Variants in MYO7A observed in about 807,000 individuals in gnomAD.
MYO7A encodes myosin VIIA.
MYO7A carries 210 observed loss-of-function variants against 263.8 expected under a neutral mutation model. That is an observed-to-expected ratio of 0.80 (90% confidence interval 0.71 to 0.89). MYO7A has a LOEUF of 0.89. Among genes scored for constraint, MYO7A ranks in the 40% least tolerant of loss-of-function variants. The pLI, the probability that MYO7A is intolerant of heterozygous loss-of-function variation, is 0.00. For missense variants in MYO7A, 2,820 were observed against 2,968.3 expected, an observed-to-expected ratio of 0.95 and a Z score of 1.16; for synonymous variants, 1,239 against 1,197.3, an observed-to-expected ratio of 1.03 and a Z score of -0.72.
chr11:77,201,744 A>T (rs1957077804), intron 36 of MYO7A, 106 bp downstream of exon 36: 2 of 1,220,364 alleles, frequency 1.6e-6, no homozygotes, highest in African/African-American at 3.0e-5. Flanking sequence ...ATCTGTGAAG[A>T]TGATCTTGGG....
Position 77,205,996 on chromosome 11 carries a change from G to A in MYO7A, c.5637-101G>A, listed in dbSNP as rs1591486032. On this transcript the variant is annotated intron_variant, in intron 40 of 48. Coordinates refer to ENST00000409709, the MANE Select transcript of MYO7A (RefSeq NM_000260.4). ...GCCGGTCACATCATAGGAAGTGGCA[G>A]GCGGGGATCAGAACTGGGGTTGTCT... 1.5e-5 allele frequency: 13 copies of A among 894,512 alleles called. No homozygotes were observed. The South Asian group carries it at 1.5e-4, about 10-fold the overall frequency. 55.4% of individuals were successfully genotyped at this position (894,512 alleles called of 1,614,324 possible).
intron 32 of MYO7A, among the ~76,000 whole-genome samples, chr11:77,195,216 G>A (rs541297790): frequency 5.3e-5 from 8 of 152,146 alleles, no homozygotes; most frequent in East Asian, 3.9e-4. Context: ...CCACCTGACC[G>A]TGTGCCTTCT....
At chr11:77,142,905 G>A (rs1336909370) in intron 3 of MYO7A, 83 bp downstream of exon 3, 21 of 1,159,966 alleles carry the variant, frequency 1.8e-5, no homozygotes, top group African/African-American at 3.1e-5. Context: ...GGAGATGATC[G>A]AAAGGAGATG....
chr11:77,147,702 G>A, intron 3 of MYO7A, 96 bp from the exon 4 acceptor site: 1 of 1,513,188 alleles, frequency 6.6e-7, no homozygotes, highest in Non-Finnish European at 8.9e-7. Context: ...TACCCGGGTT[G>A]GCACTCACCC....
chr11:77,170,830 GA>G (rs781955417), intron 15 of MYO7A, among the ~76,000 whole-genome samples: 10 of 152,314 alleles, frequency 6.6e-5, no homozygotes, highest in Middle Eastern at 3.4e-3. Context: ...AGGAAGTGGT[GA>G]GGGGTCAGGT....
intron 15 of MYO7A, among the ~76,000 whole-genome samples, chr11:77,167,423 T>G (rs1384304658): frequency 6.6e-6 from 1 of 152,168 alleles, no homozygotes; most frequent in Non-Finnish European, 1.5e-5. Flanking sequence ...TTCTGCATTT[T>G]GCAGATGAGA....
chr11:77,140,555 C>T (rs1348815645), intron 2 of MYO7A, among the ~76,000 whole-genome samples: 8 of 152,048 alleles, frequency 5.3e-5, no homozygotes, highest in Admixed American at 4.6e-4. Context: ...CACCGAGGCC[C>T]GCTCTGGGCT....
At chr11:77,145,058 T>C (rs551975462) in intron 3 of MYO7A, among the ~76,000 whole-genome samples, 1 of 152,262 alleles carries the variant, frequency 6.6e-6, no homozygotes, top group East Asian at 1.9e-4. Flanking sequence ...CTGGCCTCTG[T>C]TGGGACTCCT....
At chr11:77,213,603 G>C (rs548276474) in intron 47 of MYO7A, among the ~76,000 whole-genome samples, 3 of 152,080 alleles carry the variant, frequency 2.0e-5, no homozygotes, top group Non-Finnish European at 4.4e-5. Context: ...TTCAGGCCAC[G>C]GTGTCAGTTC....
At chr11:77,203,367 C>A in intron 38 of MYO7A, 150 bp downstream of exon 38, 1 of 917,480 alleles carries the variant, frequency 1.1e-6, no homozygotes, top group Non-Finnish European at 1.6e-6. Context: ...TTTTGATATG[C>A]AAGGGGCTGC....
intron 3 of MYO7A, among the ~76,000 whole-genome samples, chr11:77,144,997 G>A (rs1951464530): frequency 1.3e-5 from 2 of 152,164 alleles, no homozygotes. Context: ...CTACTGCCCT[G>A]GTTACACTTT....
At chr11:77,183,196 G>T (rs782354557) in intron 26 of MYO7A, 39 bp downstream of exon 26, 140 of 1,527,364 alleles carry the variant, frequency 9.2e-5, no homozygotes, top group Non-Finnish European at 1.2e-4. Flanking sequence ...CCCAGGGGTG[G>T]CTGCCTTAGG....
At chr11:77,140,519 G>A (rs189412447) in intron 2 of MYO7A, among the ~76,000 whole-genome samples, 3 of 152,306 alleles carry the variant, frequency 2.0e-5, no homozygotes, top group East Asian at 1.9e-4. Context: ...GCCCACAAGC[G>A]AACACGCTCC....
At chr11:77,129,967 G>GCGGGCCCGGGCCCGGGCC (rs1256384703) in intron 1 of MYO7A, among the ~76,000 whole-genome samples, 2 of 152,090 alleles carry the variant, frequency 1.3e-5, no homozygotes, top group Admixed American at 6.5e-5. Flanking sequence ...GCCTAGCGGG[G>GCGGGCCCGGGCCCGGGCC]CGGGCCCGGG....
In MYO7A at chr11:77,179,803, G is replaced by A. The variant is rs782415349; in HGVS notation, c.2436G>A (p.Leu812=). Residue 812 remains leucine, a synonymous_variant, in exon 21 of 49, where the codon CTG becomes CTA. Coordinates refer to ENST00000409709, the MANE Select transcript of MYO7A (RefSeq NM_000260.4). ...RSRKLHQQYR[L]ARQRIIQFQA... is the part of the protein sequence containing the mutation. ...GGAAGCTGCACCAGCAGTACCGCCTGGCCCGCCAGCGCATCATCCAGTTCC... is the reference window on the plus strand; with the variant it reads ...GGAAGCTGCACCAGCAGTACCGCCTAGCCCGCCAGCGCATCATCCAGTTCC... The A allele has an allele frequency of 2.2e-5, 34 of 1,548,766 alleles. No individual in the cohort carries two copies. In the African/African-American group the frequency reaches 4.0e-4, roughly 18 times the overall value.
At chr11:77,212,004 T>A in intron 46 of MYO7A, 67 bp downstream of exon 46, 1 of 1,298,896 alleles carries the variant, frequency 7.7e-7, no homozygotes, top group South Asian at 1.2e-5. Flanking sequence ...CAGAGACTCC[T>A]CCCTAGGACT....
intron 42 of MYO7A, among the ~76,000 whole-genome samples, chr11:77,207,989 CT>C (rs1957571464): frequency 6.6e-6 from 1 of 152,202 alleles, no homozygotes; most frequent in African/African-American, 2.4e-5. Context: ...ATCCTGTTGC[CT>C]GCTGATGGCT....
At position 77,132,931 on chromosome 11, in the gene MYO7A, T is replaced by A. The variant is rs539776416; in HGVS notation, c.18+2279T>A. On this transcript the variant is annotated intron_variant, in intron 2 of 48. Coordinates refer to ENST00000409709, the MANE Select transcript of MYO7A (RefSeq NM_000260.4). ...CTGTGGAACTGCAGAGCGGGTCGGC[T>A]CCCGGGGCTCGGGTTCTTTTTAGGA... Among the ~76,000 whole-genome samples, 15 of 152,330 alleles carry A rather than the reference T, an allele frequency of 9.8e-5. No homozygotes were observed. The South Asian group carries it at 2.9e-3, about 30-fold the overall frequency.
intron 30 of MYO7A, 199 bp downstream of exon 30, chr11:77,191,069 C>T (rs1956032209): frequency 5.5e-6 from 3 of 545,284 alleles, no homozygotes; most frequent in Non-Finnish European, 9.3e-6. Flanking sequence ...CACCTGTAAT[C>T]CCAGCACTTT....
Sources: gnomAD v4.1 joint callset for allele counts (sites outside exome capture counted in the v4.1 genomes callset) on GRCh38, gnomAD v4.1.1 for gene constraint, MANE v1.5 for transcripts, NCBI Gene and HGNC (gene_info 2026-07-23, HGNC 2026-07-21) for gene names.